Variants in MALRD1 observed in about 807,000 individuals in gnomAD.
MALRD1 encodes MAM and LDL-receptor class A domain-containing protein 1.
MALRD1 carries 247 observed loss-of-function variants against 242.1 expected under a neutral mutation model. The ratio of observed to expected loss-of-function variants is 1.02; its 90% confidence interval spans 0.92 to 1.13. The LOEUF (loss-of-function observed/expected upper bound fraction) is 1.13. MALRD1 is among the 50% of genes most tolerant of loss of function. The pLI is 0.00. For synonymous variants in MALRD1, 995 were observed against 866.6 expected, an observed-to-expected ratio of 1.15 and a Z score of -2.60; for missense variants, 2,989 against 2,533.1, an observed-to-expected ratio of 1.18 and a Z score of -3.86.
intron 33 of MALRD1, among the ~76,000 whole-genome samples, chr10:19,578,562 C>T (rs1225951467): frequency 1.3e-5 from 2 of 152,084 alleles, no homozygotes; most frequent in Non-Finnish European, 2.9e-5. Flanking sequence ...TGTGGTGGCG[C>T]ATGCCTGTAA....
At chr10:19,187,033 G>A (rs530697255) in intron 14 of MALRD1, among the ~76,000 whole-genome samples, 1 of 152,214 alleles carries the variant, frequency 6.6e-6, no homozygotes, top group South Asian at 2.1e-4. Context: ...ATCTCTTTGG[G>A]TTATAGGTTT....
intron 28 of MALRD1, among the ~76,000 whole-genome samples, chr10:19,418,751 T>A (rs1312103209): frequency 2.6e-5 from 4 of 152,208 alleles, no homozygotes; most frequent in Admixed American, 2.6e-4. Context: ...ATATTTCAAA[T>A]CTTAAGGTCA....
chr10:19,648,191 C>T (rs886856089), intron 36 of MALRD1, among the ~76,000 whole-genome samples: 2 of 152,134 alleles, frequency 1.3e-5, no homozygotes, highest in Non-Finnish European at 1.5e-5. Context: ...TACTAGAGAT[C>T]AAGCAGTTCT....
intron 26 of MALRD1, among the ~76,000 whole-genome samples, chr10:19,358,964 T>A (rs1844767983): frequency 6.6e-6 from 1 of 152,116 alleles, no homozygotes; most frequent in East Asian, 1.9e-4. Flanking sequence ...TTGCTAAATG[T>A]GGTGGTTTAA....
At chr10:19,714,960 A>C (rs1022187222) in intron 38 of MALRD1, among the ~76,000 whole-genome samples, 7 of 152,158 alleles carry the variant, frequency 4.6e-5, no homozygotes, top group African/African-American at 1.7e-4. Flanking sequence ...AATAATTTAA[A>C]ATGTTAGTTA....
intron 28 of MALRD1, among the ~76,000 whole-genome samples, chr10:19,391,982 G>A (rs543822380): frequency 3.0e-4 from 45 of 152,260 alleles, no homozygotes; most frequent in African/African-American, 7.7e-4. Context: ...CATGCATGAC[G>A]TTCAAGTCTA....
intron 14 of MALRD1, among the ~76,000 whole-genome samples, chr10:19,189,164 T>A (rs1256157834): frequency 1.3e-5 from 2 of 152,016 alleles, no homozygotes; most frequent in Non-Finnish European, 2.9e-5. Context: ...ATTATAAGAT[T>A]AGAGTACCAT....
At chr10:19,595,099 T>C (rs938255470) in intron 33 of MALRD1, 95 bp from the exon 34 acceptor site, 3 of 1,251,462 alleles carry the variant, frequency 2.4e-6, no homozygotes, top group Admixed American at 2.9e-5. Flanking sequence ...ATAAAATTCA[T>C]TTTATACAAT....
intron 36 of MALRD1, among the ~76,000 whole-genome samples, chr10:19,683,755 T>C (rs1216144875): frequency 3.3e-5 from 5 of 152,158 alleles, no homozygotes; most frequent in African/African-American, 1.2e-4. Flanking sequence ...TTTTTATACA[T>C]TCTTTTATTT....
intron 26 of MALRD1, among the ~76,000 whole-genome samples, chr10:19,365,229 G>T (rs1478672475): frequency 1.3e-5 from 2 of 151,902 alleles, no homozygotes; most frequent in African/African-American, 4.8e-5. Context: ...TTACATCTCT[G>T]TTCTGCCTTC....
intron 4 of MALRD1, among the ~76,000 whole-genome samples, chr10:19,100,813 G>C (rs1326417892): frequency 1.3e-5 from 2 of 151,694 alleles, no homozygotes; most frequent in Non-Finnish European, 2.9e-5. Flanking sequence ...GAGGAGTGTG[G>C]AGAAAAAAAA....
At chr10:19,616,773 C>T (rs1432141035) in intron 36 of MALRD1, among the ~76,000 whole-genome samples, 4 of 151,828 alleles carry the variant, frequency 2.6e-5, no homozygotes, top group Admixed American at 2.6e-4. Flanking sequence ...AAAATTCTAC[C>T]AATTAAAACA....
intron 31 of MALRD1, among the ~76,000 whole-genome samples, chr10:19,517,449 C>A (rs1833685047): frequency 6.6e-6 from 1 of 152,174 alleles, no homozygotes; most frequent in African/African-American, 2.4e-5. Context: ...CTGTTAGTCC[C>A]ATAGATACAA....
Position 19,352,298 on chromosome 10 carries a change from G to A in MALRD1, c.4441+1G>A, listed in dbSNP as rs1844421826. The A allele has an allele frequency of 6.8e-7, 1 of 1,461,324 alleles. No homozygotes were observed. Among genetic ancestry groups the A allele is most frequent in the Non-Finnish European group, 9.0e-7 (1 of 1,110,528 alleles). The allele number at this position is 1,461,324 out of a possible 1,614,324, so 90.5% of individuals were successfully genotyped here. On this transcript the variant is annotated splice_donor_variant, in intron 26 of 39. Coordinates refer to ENST00000454679, the MANE Select transcript of MALRD1 (RefSeq NM_001142308.3). LOFTEE classifies it high-confidence loss of function. ...GAACTGGCAGTGCCTCTTCCAACAG[G>A]TACATTCTAATCTGTGTGTGTGTGT...
chr10:19,165,866 C>A, intron 13 of MALRD1, 56 bp downstream of exon 13: 2 of 1,186,820 alleles, frequency 1.7e-6, no homozygotes, highest in Non-Finnish European at 2.1e-6. Context: ...TAATGCTAAA[C>A]CTTTCAGATA....
intron 31 of MALRD1, among the ~76,000 whole-genome samples, chr10:19,504,918 A>C (rs1039639166): frequency 6.6e-6 from 1 of 150,988 alleles, no homozygotes; most frequent in East Asian, 2.0e-4. Flanking sequence ...TCCTGACCTC[A>C]TGATCCACCC....
intron 26 of MALRD1, among the ~76,000 whole-genome samples, chr10:19,373,886 C>T (rs925191553): frequency 6.6e-6 from 1 of 152,160 alleles, no homozygotes; most frequent in Non-Finnish European, 1.5e-5. Flanking sequence ...TATACAAGAA[C>T]GCACATTTAT....
intron 18 of MALRD1, among the ~76,000 whole-genome samples, chr10:19,255,072 C>G (rs11009150): frequency 0.13 from 20,110 of 152,056 alleles, 1,667 homozygotes; most frequent in Admixed American, 0.27. Flanking sequence ...CAAGGCCAGT[C>G]TGTCTTTACG....
chr10:19,500,224 C>A lies in MALRD1; in HGVS notation c.5320+1578C>A, dbSNP rs113937905. On this transcript the variant is annotated intron_variant, in intron 31 of 39. Transcript: ENST00000454679. ...AGAATTAACCTTTAAATTGAATATTCTAACTCCTTTTGACTTGCCACGTTG... is the reference window on the plus strand; with the variant it reads ...AGAATTAACCTTTAAATTGAATATTATAACTCCTTTTGACTTGCCACGTTG... Among the ~76,000 whole-genome samples the A allele has an allele frequency of 3.6e-3, 552 of 152,268 alleles. 2 individuals carry two copies. Among genetic ancestry groups the A allele is most frequent in the African/African-American group, 0.012 (517 of 41,550 alleles).
Sources: allele counts gnomAD v4.1 joint callset (sites outside exome capture counted in the v4.1 genomes callset), GRCh38; gene constraint gnomAD v4.1.1; transcripts MANE v1.5; gene names NCBI Gene and HGNC (gene_info 2026-07-23, HGNC 2026-07-21).